Variants in CHD1L observed in about 807,000 individuals in gnomAD.
CHD1L encodes chromodomain helicase DNA binding protein 1 like.
Under a neutral mutation model 115.9 loss-of-function variants are expected in CHD1L, and 118 were observed. The observed-to-expected ratio is 1.02, with a 90% CI of 0.88 to 1.19. The LOEUF (loss-of-function observed/expected upper bound fraction) is 1.19. CHD1L is among the 50% of genes most tolerant of loss of function. The probability of loss-of-function intolerance (pLI) is 0.00; values close to 1 mark genes in which losing one functional copy is unlikely to be tolerated. For missense variants in CHD1L, 1,179 were observed against 1,065.3 expected (o/e 1.11, Z -1.49); for synonymous variants, 411 against 387.1 (o/e 1.06, Z -0.72).
At chr1:147,288,638 G>A (rs1256803242) in intron 19 of CHD1L, among the ~76,000 whole-genome samples, 1 of 152,166 alleles carries the variant, frequency 6.6e-6, no homozygotes. Context: ...CTGAGATCAT[G>A]CCATTGCACT....
intron 6 of CHD1L, 151 bp downstream of exon 6, chr1:147,260,069 T>C: frequency 1.8e-6 from 1 of 564,368 alleles, no homozygotes; most frequent in Non-Finnish European, 3.1e-6. Context: ...AGCTGTCCCC[T>C]GTCCCCACAC....
intron 19 of CHD1L, among the ~76,000 whole-genome samples, chr1:147,290,544 C>T (rs1553969497): frequency 6.6e-6 from 1 of 152,138 alleles, no homozygotes; most frequent in Non-Finnish European, 1.5e-5. Flanking sequence ...CTTGCCAGGG[C>T]CCTTGTGCAA....
At chr1:147,229,718 A>C in the CHD1L span, among the ~76,000 whole-genome samples, 30 of 152,164 alleles carry the variant, frequency 2.0e-4, no homozygotes, top group East Asian at 4.3e-3. Flanking sequence ...TTGAGGAGGT[A>C]CTTCACATCC....
intron 21 of CHD1L, among the ~76,000 whole-genome samples, chr1:147,294,185 A>G (rs1553973906): frequency 6.6e-6 from 1 of 152,174 alleles, no homozygotes; most frequent in Non-Finnish European, 1.5e-5. Flanking sequence ...GCCTCCACCA[A>G]TCATAATCTA....
intron 1 of CHD1L, 103 bp from the exon 2 acceptor site, chr1:147,252,520 T>G: frequency 2.4e-6 from 2 of 828,840 alleles, no homozygotes; most frequent in Non-Finnish European, 3.9e-6. Flanking sequence ...AGGTTTAGGG[T>G]TATGTGAATT....
chr1:147,223,810 C>A, the CHD1L span: 635 of 286,332 alleles, frequency 2.2e-3, 3 homozygotes, highest in African/African-American at 0.014. Context: ...TTCACCCAGG[C>A]TTCGCACTGC....
At chr1:147,185,296 A>G in the CHD1L span, among the ~76,000 whole-genome samples, 1 of 152,142 alleles carries the variant, frequency 6.6e-6, no homozygotes, top group African/African-American at 2.4e-5. Flanking sequence ...GAATTATATT[A>G]TCAAAGGGCT....
At chr1:147,291,350 A>G in intron 19 of CHD1L, 132 bp from the exon 20 acceptor site, 1 of 714,706 alleles carries the variant, frequency 1.4e-6, no homozygotes, top group South Asian at 1.6e-5. Context: ...TGAGGCCAGG[A>G]AAGTGAGAAA....
the CHD1L span, among the ~76,000 whole-genome samples, chr1:147,231,851 A>C: frequency 6.6e-6 from 1 of 152,150 alleles, no homozygotes; most frequent in African/African-American, 2.4e-5. Flanking sequence ...TGACTAGCAA[A>C]GGGAATTCCC....
At chr1:147,221,554 T>G in the CHD1L span, among the ~76,000 whole-genome samples, 1 of 152,356 alleles carries the variant, frequency 6.6e-6, no homozygotes, top group Middle Eastern at 3.4e-3. Flanking sequence ...TGAGGCATGT[T>G]CCTAACTTCT....
chr1:147,255,925 G>T lies in CHD1L; in HGVS notation c.460G>T (p.Glu154Ter). 1 of 1,602,056 alleles carries T rather than the reference G, an allele frequency of 6.2e-7. No homozygotes were observed. The highest frequency in any genetic ancestry group is 1.1e-5 in the South Asian group (1 of 90,488). ...TTTTCATGTGCTACTGACTACCTAT[G>T]AGGTATTCATTCGTTTCTCTATAGC... ...SRFHVLLTTY[E>*]ICLKDASFLK... Residue 154 changes from glutamate (E) to a stop codon, truncating the protein, a stop_gained and splice_region_variant, in exon 4 of 23, where the codon GAG (glutamate) becomes TAG (stop). Coordinates refer to ENST00000369258, the MANE Select transcript of CHD1L (RefSeq NM_004284.6). LOFTEE classifies it high-confidence loss of function.
At chr1:147,178,378 A>G in the CHD1L span, 2 of 1,611,964 alleles carry the variant, frequency 1.2e-6, no homozygotes, top group Non-Finnish European at 1.7e-6. Flanking sequence ...CACTGCCAAC[A>G]CTAACACCTG....
intron 1 of CHD1L, among the ~76,000 whole-genome samples, chr1:147,249,821 C>T (rs587660442): frequency 1.3e-5 from 2 of 152,248 alleles, no homozygotes; most frequent in East Asian, 3.9e-4. Flanking sequence ...CCTCCTTCAC[C>T]TGTTTTTATT....
rs587607898 is a variant in CHD1L, at chr1:147,286,355, C to T, written c.2076C>T (p.Ser692=). The T allele has an allele frequency of 8.7e-6, 14 of 1,614,012 alleles. No individual in the cohort carries two copies. The African/African-American group carries it at 1.2e-4, about 14-fold the overall frequency. The stretch of plus-strand genomic sequence containing the variant: ...CCTTCTGCCTGCCCTCTGAGGAGAG[C>T]GAGCCAGAGGACCTTGAGAATGGGG... The part of the protein sequence containing the change: ...YQSFCLPSEE[S]EPEDLENGEE... The change falls in exon 18 of 23, where the codon AGC becomes AGT. Residue 692 remains serine (S), a synonymous_variant. Coordinates refer to ENST00000369258, the MANE Select transcript of CHD1L (RefSeq NM_004284.6).
chr1:147,280,298 C>T, intron 15 of CHD1L, 107 bp downstream of exon 15: 1 of 1,161,208 alleles, frequency 8.6e-7, no homozygotes, highest in Non-Finnish European at 1.2e-6. Flanking sequence ...TTTTTTCTCC[C>T]TTACCCTATT....
the CHD1L span, among the ~76,000 whole-genome samples, chr1:147,231,283 A>G: frequency 1.3e-5 from 2 of 152,204 alleles, no homozygotes; most frequent in African/African-American, 4.8e-5. Context: ...TCACTCAGGA[A>G]CAGGTTGTTC....
intron 5 of CHD1L, chr1:147,259,315 C>T (rs959444406): frequency 6.6e-6 from 1 of 152,220 alleles, no homozygotes; most frequent in Non-Finnish European, 1.5e-5. Context: ...AGATTTGACT[C>T]TGCTCACCAC....
chr1:147,286,922 G>A (rs782540119), intron 18 of CHD1L, among the ~76,000 whole-genome samples: 10 of 151,986 alleles, frequency 6.6e-5, no homozygotes, highest in Non-Finnish European at 1.3e-4. Context: ...TTGTTCAAAT[G>A]TCTGTTTCTC....
intron 1 of CHD1L, among the ~76,000 whole-genome samples, chr1:147,245,602 A>G (rs79982193): frequency 0.021 from 3,238 of 152,060 alleles, 134 homozygotes; most frequent in East Asian, 0.17. Flanking sequence ...TGCCTAACCT[A>G]CCAAGGGTAA....
Sources: allele counts gnomAD v4.1 joint callset (sites outside exome capture counted in the v4.1 genomes callset), GRCh38; gene constraint gnomAD v4.1.1; transcripts MANE v1.5; gene names NCBI Gene and HGNC (gene_info 2026-07-23, HGNC 2026-07-21).